Variants in OPCML observed in about 807,000 individuals in gnomAD.
OPCML encodes the protein opioid binding protein/cell adhesion molecule like, also known as opioid-binding protein/cell adhesion molecule.
OPCML carries 13 observed loss-of-function variants against 37.8 expected under a neutral mutation model. The observed-to-expected ratio is 0.34, with a 90% confidence interval of 0.22 to 0.55. The LOEUF (loss-of-function observed/expected upper bound fraction) is 0.55. OPCML is among the 20% of genes least tolerant of loss of function. OPCML has a pLI of 0.91. For synonymous variants in OPCML, 176 were observed against 168.8 expected (o/e 1.04, Z -0.33); for missense variants, 341 against 435.6 (o/e 0.78, Z 1.93).
chr11:132,501,978 A>T (rs79737832), intron 4 of OPCML, among the ~76,000 whole-genome samples: 1,594 of 152,328 alleles, frequency 0.01, 29 homozygotes, highest in African/African-American at 0.037. Context: ...AAAAGAGAGG[A>T]TATGGGGCAC....
At chr11:133,398,953 G>GAAACA (rs541095340) in intron 1 of OPCML, among the ~76,000 whole-genome samples, 74 of 152,144 alleles carry the variant, frequency 4.9e-4, no homozygotes, top group Non-Finnish European at 7.1e-4. Context: ...GATATCTGCA[G>GAAACA]AAACAAAACA....
At chr11:133,454,701 T>C (rs1295036610) in intron 1 of OPCML, among the ~76,000 whole-genome samples, 1 of 152,216 alleles carries the variant, frequency 6.6e-6, no homozygotes, top group Non-Finnish European at 1.5e-5. Context: ...ATTCTGACTA[T>C]AAATATCATA....
At chr11:133,388,509 C>T (rs1260109197) in intron 1 of OPCML, among the ~76,000 whole-genome samples, 1 of 152,184 alleles carries the variant, frequency 6.6e-6, no homozygotes, top group Non-Finnish European at 1.5e-5. Context: ...GAAAAGCAAG[C>T]ACTTCTCTCA....
Position 133,335,803 on chromosome 11 carries a change from C to T in OPCML, c.61+196461G>A, listed in dbSNP as rs545354243. Among the ~76,000 whole-genome samples the T allele has an allele frequency of 5.9e-5, 9 of 152,072 alleles. No individual in the cohort carries two copies. The South Asian group carries it at 1.9e-3, about 32-fold the overall frequency. On this transcript the variant is annotated intron_variant, in intron 1 of 7. Transcript: ENST00000524381. ...GTGCAGGCTACTGGCAAGTGTAGCTCCCAAGAATCAAACTGATAACCCGTT... is the reference window on the plus strand; with the variant it reads ...GTGCAGGCTACTGGCAAGTGTAGCTTCCAAGAATCAAACTGATAACCCGTT...
chr11:132,746,843 G>A (rs142191680), intron 2 of OPCML, among the ~76,000 whole-genome samples: 1,539 of 152,168 alleles, frequency 0.01, 26 homozygotes, highest in African/African-American at 0.035. Flanking sequence ...GTCCTTCAAG[G>A]GCAAGAGTGG....
chr11:133,059,652 G>GAAGGGTCACCCAGAAC (rs1312603731), intron 1 of OPCML, among the ~76,000 whole-genome samples: 1 of 152,202 alleles, frequency 6.6e-6, no homozygotes, highest in African/African-American at 2.4e-5. Flanking sequence ...TGGTGAGATG[G>GAAGGGTCACCCAGAAC]AAGGGTCACC....
chr11:132,473,543 T>C (rs913150150), intron 4 of OPCML, among the ~76,000 whole-genome samples: 1 of 152,284 alleles, frequency 6.6e-6, no homozygotes, highest in Admixed American at 6.5e-5. Flanking sequence ...GGAGCCAAAA[T>C]TCATAATTGC....
At chr11:133,181,724 T>C (rs560220615) in intron 1 of OPCML, among the ~76,000 whole-genome samples, 1 of 152,148 alleles carries the variant, frequency 6.6e-6, no homozygotes, top group African/African-American at 2.4e-5. Flanking sequence ...AAATTACTAA[T>C]CCATGTGCTC....
At chr11:133,390,319 C>A (rs894209358) in intron 1 of OPCML, among the ~76,000 whole-genome samples, 1 of 151,930 alleles carries the variant, frequency 6.6e-6, no homozygotes, top group African/African-American at 2.4e-5. Flanking sequence ...AAAAATTAGC[C>A]GGGTGTGGTG....
chr11:132,971,192 G>A (rs551226757), intron 1 of OPCML, among the ~76,000 whole-genome samples: 1 of 152,222 alleles, frequency 6.6e-6, no homozygotes, highest in East Asian at 1.9e-4. Context: ...ATTGATGAAG[G>A]CCTTAATTCC....
In OPCML at chr11:133,377,612, G is replaced by GAAAAAAAA. The variant is rs71477791; in HGVS notation, c.61+154644_61+154651dup. On this transcript the variant is annotated intron_variant, in intron 1 of 7. Coordinates refer to ENST00000524381, the MANE Select transcript of OPCML (RefSeq NM_001012393.5). ...GCTCTCTCTGACGTGCCAGTATTCA[G>GAAAAAAAA]AAAAAAAAAAAAAAAGAGCACCAAG... 3.7e-4 allele frequency among the ~76,000 whole-genome samples: 29 copies of GAAAAAAAA among 79,088 alleles called. 3 individuals carry two copies. Among genetic ancestry groups the GAAAAAAAA allele is most frequent in the African/African-American group, 1.3e-3 (23 of 17,236 alleles). The allele number at this position is 79,088 out of a possible 152,430, so 51.9% of individuals were successfully genotyped here.
chr11:133,198,812 A>G (rs1169758159), intron 1 of OPCML, among the ~76,000 whole-genome samples: 1 of 152,238 alleles, frequency 6.6e-6, no homozygotes, highest in Non-Finnish European at 1.5e-5. Flanking sequence ...GCTTGAATGC[A>G]TGCTGTGGAG....
intron 3 of OPCML, among the ~76,000 whole-genome samples, chr11:132,539,047 C>T (rs1438619574): frequency 6.6e-6 from 1 of 152,098 alleles, no homozygotes; most frequent in Admixed American, 6.5e-5. Context: ...TCATTGAAAA[C>T]ATTTTTTGAG....
chr11:132,618,203 A>G (rs958863357), intron 3 of OPCML, among the ~76,000 whole-genome samples: 7 of 152,196 alleles, frequency 4.6e-5, no homozygotes, highest in African/African-American at 7.2e-5. Context: ...GTAAGGAGTG[A>G]GTGTAATTAA....
intron 1 of OPCML, among the ~76,000 whole-genome samples, chr11:133,237,298 C>CG (rs1940558060): frequency 6.6e-6 from 1 of 152,184 alleles, no homozygotes; most frequent in Non-Finnish European, 1.5e-5. Flanking sequence ...CCACATGCCC[C>CG]GGCTGCTACA....
In OPCML at chr11:133,035,626, T is replaced by C. The variant is rs141887846; in HGVS notation, c.62-92616A>G. Among the ~76,000 whole-genome samples, 325 of 152,318 alleles carry C rather than the reference T, an allele frequency of 2.1e-3. 1 individual carries two copies. The highest frequency in any genetic ancestry group is 7.5e-3 in the African/African-American group (312 of 41,576). ...TCTTTCACGCCCTATTCTTGGGGAC[T>C]GAATCGTGCCCCCCCAAAAAATGTA... is the stretch of plus-strand genomic sequence containing the variant. On this transcript the variant is annotated intron_variant, in intron 1 of 7. Coordinates refer to ENST00000524381, the MANE Select transcript of OPCML (RefSeq NM_001012393.5).
intron 3 of OPCML, among the ~76,000 whole-genome samples, chr11:132,604,968 C>G (rs1357454015): frequency 6.6e-6 from 1 of 152,052 alleles, no homozygotes; most frequent in Non-Finnish European, 1.5e-5. Context: ...TGAGTATACC[C>G]ATTATAAGAA....
chr11:133,055,597 C>G (rs1948220458), intron 1 of OPCML, among the ~76,000 whole-genome samples: 1 of 151,208 alleles, frequency 6.6e-6, no homozygotes, highest in African/African-American at 2.4e-5. Flanking sequence ...GGAGCCGCCT[C>G]TACCGTACAA....
intron 1 of OPCML, among the ~76,000 whole-genome samples, chr11:133,325,279 T>C (rs1943423233): frequency 6.6e-6 from 1 of 152,254 alleles, no homozygotes; most frequent in South Asian, 2.1e-4. Context: ...GCATTCTTTT[T>C]TGGCCTCTTC....
Sources: allele counts gnomAD v4.1 joint callset (sites outside exome capture counted in the v4.1 genomes callset), GRCh38; gene constraint gnomAD v4.1.1; transcripts MANE v1.5; gene names NCBI Gene and HGNC (gene_info 2026-07-23, HGNC 2026-07-21).